Variants in EPHX2 observed in about 807,000 individuals in gnomAD.
The protein encoded by EPHX2 is bifunctional epoxide hydrolase 2.
EPHX2 carries 74 observed loss-of-function variants against 78.7 expected under a neutral mutation model. That is an observed-to-expected ratio of 0.94 (90% CI 0.78 to 1.14). The LOEUF (loss-of-function observed/expected upper bound fraction) is 1.14, where lower values mean the gene tolerates loss of function less well. Ranked by LOEUF, EPHX2 falls within the 50% of genes most tolerant of loss-of-function variation. EPHX2 has a pLI of 0.00. For synonymous variants in EPHX2, 251 were observed against 255.2 expected (o/e 0.98, Z 0.16); for missense variants, 715 against 702.5 (o/e 1.02, Z -0.20).
Position 27,515,828 on chromosome 8 carries a change from G to A in EPHX2, c.831+15G>A. On this transcript the variant is annotated intron_variant, in intron 7 of 18. Transcript: ENST00000521400. Reference sequence around the variant, plus strand: ...GGAGGTACCAGGTGAGAAAGCTGGGGAAGATGCAGCCAGTCAGGGTGAGGT... The same window carrying A: ...GGAGGTACCAGGTGAGAAAGCTGGGAAAGATGCAGCCAGTCAGGGTGAGGT... 1 of 1,610,088 alleles carries A rather than the reference G, an allele frequency of 6.2e-7. No homozygotes were observed. Among genetic ancestry groups the A allele is most frequent in the Non-Finnish European group, 8.5e-7 (1 of 1,176,688 alleles).
rs185363446 is a variant in EPHX2 at position 27,519,798 on chromosome 8, C to T, written c.946-1085C>T. Among the ~76,000 whole-genome samples the T allele has an allele frequency of 5.3e-5, 8 of 152,246 alleles. No homozygotes were observed. The South Asian group carries it at 1.2e-3, about 24-fold the overall frequency. On this transcript the variant is annotated intron_variant, in intron 9 of 18. Transcript: ENST00000521400. ...GGTGCCAGCACTGAAGTGAGGGGCT[C>T]CTCTCCAGGATGGTGCTTACACCTG...
chr8:27,495,979 T>C (rs996185871), intron 1 of EPHX2, among the ~76,000 whole-genome samples: 1 of 152,180 alleles, frequency 6.6e-6, no homozygotes, highest in African/African-American at 2.4e-5. Flanking sequence ...GATTAGAGCA[T>C]AGAGTGGCCT....
intron 5 of EPHX2, among the ~76,000 whole-genome samples, chr8:27,508,765 T>C (rs774603260): frequency 3.1e-4 from 47 of 152,114 alleles, no homozygotes; most frequent in Admixed American, 4.6e-4. Context: ...TGTGTGTGTG[T>C]GCGCGCACGC....
At chr8:27,508,904 C>G (rs1260864291) in intron 5 of EPHX2, among the ~76,000 whole-genome samples, 1 of 149,760 alleles carries the variant, frequency 6.7e-6, no homozygotes, top group Non-Finnish European at 1.5e-5. Flanking sequence ...CACCAACTTT[C>G]CATTCAATGG....
intron 16 of EPHX2, among the ~76,000 whole-genome samples, 192 bp from the exon 17 acceptor site, chr8:27,543,557 C>T (rs1260291627): frequency 6.6e-6 from 1 of 152,134 alleles, no homozygotes; most frequent in African/African-American, 2.4e-5. Context: ...ACACATAAGA[C>T]CCATATTGGC....
chr8:27,505,253 C>G, intron 4 of EPHX2, 107 bp downstream of exon 4: 1 of 1,066,400 alleles, frequency 9.4e-7, no homozygotes, highest in Non-Finnish European at 1.4e-6. Flanking sequence ...GGCAGGACAG[C>G]TCTGAGTCCA....
At chr8:27,536,187 A>G (rs1815204892) in intron 12 of EPHX2, among the ~76,000 whole-genome samples, 1 of 152,156 alleles carries the variant, frequency 6.6e-6, no homozygotes, top group Non-Finnish European at 1.5e-5. Flanking sequence ...GTGGAATACA[A>G]TCTATTGGCA....
chr8:27,527,110 T>A (rs1465460564), intron 12 of EPHX2, among the ~76,000 whole-genome samples: 1 of 152,022 alleles, frequency 6.6e-6, no homozygotes, highest in Non-Finnish European at 1.5e-5. Flanking sequence ...CCGGCTAGTT[T>A]TTTGATTTTT....
chr8:27,513,123 G>T (rs1449699050), intron 6 of EPHX2, among the ~76,000 whole-genome samples: 3 of 152,194 alleles, frequency 2.0e-5, no homozygotes, highest in African/African-American at 7.2e-5. Context: ...TGAGGTGCCT[G>T]CTCAGAATGG....
intron 2 of EPHX2, among the ~76,000 whole-genome samples, chr8:27,501,224 T>A (rs1199498218): frequency 3.3e-5 from 5 of 152,152 alleles, no homozygotes; most frequent in Non-Finnish European, 7.3e-5. Context: ...GTGATGAAAC[T>A]ATTGGGAAGA....
chr8:27,544,312 TC>T (rs1325945204), intron 18 of EPHX2, 68 bp downstream of exon 18: 2 of 1,604,084 alleles, frequency 1.2e-6, no homozygotes, highest in Admixed American at 1.7e-5. Context: ...ATAAAAGCTT[TC>T]CTGGTTTCAT....
rs903537433 is a variant in EPHX2 at position 27,501,322 on chromosome 8, ATTTTCT to A, written c.186+314_186+319del. Among the ~76,000 whole-genome samples the A allele has an allele frequency of 1.2e-4, 14 of 115,680 alleles. No individual in the cohort carries two copies. The South Asian group carries it at 1.5e-3, about 13-fold the overall frequency. 75.9% of individuals were successfully genotyped at this position (115,680 alleles called of 152,430 possible). ...GGTAAGAAAGAGGGAAATGCTATAT[ATTTTCT>A]TCTTCTTCTTCTTCTTCTTCTTCTT... On this transcript the variant is annotated intron_variant, in intron 2 of 18. Transcript: ENST00000521400.
chr8:27,514,873 T>G (rs2132742858), intron 6 of EPHX2, among the ~76,000 whole-genome samples: 1 of 152,206 alleles, frequency 6.6e-6, no homozygotes, highest in African/African-American at 2.4e-5. Context: ...AACACAGACT[T>G]TGTCAAGCCC....
Position 27,506,857 on chromosome 8 carries a change from C to G in EPHX2, c.538-15C>G. On this transcript the variant is annotated splice_polypyrimidine_tract_variant and intron_variant, in intron 4 of 18. Transcript: ENST00000521400. ...AGTTTCTTTCTGAGATTCTCCCATG[C>G]TGTTTTGGGCTCAGGTCGTTTTTTT... The G allele has an allele frequency of 6.2e-7, 1 of 1,612,030 alleles. No homozygotes were observed. Among genetic ancestry groups the G allele is most frequent in the Non-Finnish European group, 8.5e-7 (1 of 1,179,290 alleles).
At chr8:27,516,262 G>A in intron 7 of EPHX2, 58 bp from the exon 8 acceptor site, 2 of 1,488,302 alleles carry the variant, frequency 1.3e-6, no homozygotes, top group Non-Finnish European at 1.9e-6. Flanking sequence ...GAAGCAAAGA[G>A]GGAGTATCCG....
rs1815505453 is a variant in EPHX2, at chr8:27,544,129, A to G, written c.1531-57A>G. The G allele has an allele frequency of 1.8e-5, 29 of 1,596,260 alleles. No individual in the cohort carries two copies. In the South Asian group the frequency reaches 2.8e-4, roughly 15 times the overall value. ...GCGTCCATTGCCCATTGCACTAGCT[A>G]GAGACACACCCATCTGCCTTCTTCC... is the stretch of plus-strand genomic sequence containing the variant. On this transcript the variant is annotated intron_variant, in intron 17 of 18. Coordinates refer to ENST00000521400, the MANE Select transcript of EPHX2 (RefSeq NM_001979.6).
chr8:27,537,148 T>G (rs1288565792), intron 13 of EPHX2, among the ~76,000 whole-genome samples: 1 of 152,222 alleles, frequency 6.6e-6, no homozygotes, highest in African/African-American at 2.4e-5. Context: ...CCCAACCCTC[T>G]TCTTGAAGCA....
chr8:27,508,325 G>C (rs1156711606), intron 5 of EPHX2, among the ~76,000 whole-genome samples: 2 of 149,236 alleles, frequency 1.3e-5, no homozygotes, highest in Non-Finnish European at 3.0e-5. Flanking sequence ...AAACAAAAAA[G>C]TATTGGCACT....
chr8:27,500,026 G>A (rs2132713079), intron 1 of EPHX2, among the ~76,000 whole-genome samples: 1 of 152,298 alleles, frequency 6.6e-6, no homozygotes, highest in Admixed American at 6.5e-5. Flanking sequence ...GAACTTCAAT[G>A]TATGTATTTG....
Sources: allele counts gnomAD v4.1 joint callset (sites outside exome capture counted in the v4.1 genomes callset), GRCh38; gene constraint gnomAD v4.1.1; transcripts MANE v1.5; gene names NCBI Gene and HGNC (gene_info 2026-07-23, HGNC 2026-07-21).